The following SND1 variants were observed in gnomAD, a reference collection of about 807,000 sequenced individuals.
SND1 encodes staphylococcal nuclease domain-containing protein 1.
SND1 carries 38 observed loss-of-function variants against 121.7 expected under a neutral mutation model. The ratio of observed to expected loss-of-function variants is 0.31; its 90% CI spans 0.24 to 0.41. SND1 has a LOEUF of 0.41. Among genes scored for constraint, SND1 ranks in the 10% least tolerant of loss-of-function variants. The pLI is 1.00. For synonymous variants in SND1, 401 were observed against 447.4 expected (o/e 0.90, Z 1.31); for missense variants, 868 against 1,184.6 (o/e 0.73, Z 3.92).
chr7:127,757,451 T>G (rs1175920187), intron 10 of SND1, among the ~76,000 whole-genome samples: 1 of 152,220 alleles, frequency 6.6e-6, no homozygotes, highest in Admixed American at 6.5e-5. Flanking sequence ...ATTATATTGT[T>G]GGGTCATCCA....
At chr7:127,982,896 G>T (rs1469568012) in intron 15 of SND1, among the ~76,000 whole-genome samples, 1 of 152,144 alleles carries the variant, frequency 6.6e-6, no homozygotes, top group Non-Finnish European at 1.5e-5. Flanking sequence ...AACTGATTTG[G>T]CTTTGTATGT....
At chr7:128,062,528 G>A (rs977708061) in intron 16 of SND1, among the ~76,000 whole-genome samples, 3 of 152,148 alleles carry the variant, frequency 2.0e-5, no homozygotes, top group South Asian at 2.1e-4. Flanking sequence ...ATTGTTTGGC[G>A]TTTCTTATAT....
intron 10 of SND1, among the ~76,000 whole-genome samples, chr7:127,743,568 C>T (rs1796922954): frequency 6.6e-6 from 1 of 152,142 alleles, no homozygotes; most frequent in South Asian, 2.1e-4. Context: ...ATAACCTGTC[C>T]CTTCTGAAAG....
intron 17 of SND1, among the ~76,000 whole-genome samples, chr7:128,076,840 G>A (rs78066960): frequency 0.23 from 34,907 of 152,214 alleles, 4,568 homozygotes; most frequent in Middle Eastern, 0.31. Flanking sequence ...GGGGGAATCT[G>A]AGAATGCTGG....
rs563548702 is a variant in SND1, at chr7:127,994,549, C to CAAAAAAAA, written c.1779+3522_1779+3529dup. The stretch of plus-strand genomic sequence containing the variant: ...CTCTCAAATGACGATCACTTTTACT[C>CAAAAAAAA]AAAAAAAAAAAAAAAAAAAAAAAAA... On this transcript the variant is annotated intron_variant, in intron 16 of 23. Coordinates refer to ENST00000354725, the MANE Select transcript of SND1 (RefSeq NM_014390.4). Among the ~76,000 whole-genome samples the CAAAAAAAA allele has an allele frequency of 2.8e-4, 13 of 46,234 alleles. 1 individual carries two copies. The highest frequency in any genetic ancestry group is 4.5e-4 in the Non-Finnish European group (12 of 26,586). The allele number at this position is 46,234 out of a possible 152,430, so 30.3% of individuals were successfully genotyped here.
At chr7:128,079,645 C>T (rs970428438) in intron 17 of SND1, among the ~76,000 whole-genome samples, 11 of 152,254 alleles carry the variant, frequency 7.2e-5, no homozygotes, top group African/African-American at 2.2e-4. Flanking sequence ...GAAGAACACA[C>T]GCTCAGGCCG....
At chr7:127,942,384 G>A (rs1035486629) in intron 15 of SND1, among the ~76,000 whole-genome samples, 4 of 152,156 alleles carry the variant, frequency 2.6e-5, no homozygotes, top group East Asian at 1.9e-4. Context: ...TGGAGCAGCC[G>A]TTGCTCTTGC....
At chr7:127,884,407 CTG>C (rs1216087126) in intron 12 of SND1, among the ~76,000 whole-genome samples, 3 of 152,166 alleles carry the variant, frequency 2.0e-5, no homozygotes, top group African/African-American at 7.2e-5. Context: ...AGCCCAGCTG[CTG>C]TGCTTTGAAA....
At chr7:127,681,660 T>C (rs1179110496) in intron 1 of SND1, among the ~76,000 whole-genome samples, 2 of 152,214 alleles carry the variant, frequency 1.3e-5, no homozygotes, top group African/African-American at 2.4e-5. Context: ...ATCTTTTGTA[T>C]ATGGTATGAC....
rs188146430 is a variant in SND1 at position 127,684,786 on chromosome 7, G to A, written c.79-1827G>A. On this transcript the variant is annotated intron_variant, in intron 1 of 23. Coordinates refer to ENST00000354725, the MANE Select transcript of SND1 (RefSeq NM_014390.4). The stretch of plus-strand genomic sequence containing the variant: ...GAAGACAGTCTTTTTGTGTGTGTGT[G>A]CCATGGTATATAACCAGGGATTAAA... Among the ~76,000 whole-genome samples the A allele has an allele frequency of 1.3e-4, 20 of 152,262 alleles. No homozygotes were observed. In the East Asian group the frequency reaches 3.5e-3, roughly 26 times the overall value.
chr7:128,062,664 C>T (rs1031740258), intron 16 of SND1, among the ~76,000 whole-genome samples: 94 of 152,124 alleles, frequency 6.2e-4, no homozygotes, highest in African/African-American at 2.1e-3. Flanking sequence ...GAGGGATTGG[C>T]GTCTGTGTCC....
chr7:127,751,955 A>G (rs1450586331), intron 10 of SND1, among the ~76,000 whole-genome samples: 1 of 152,220 alleles, frequency 6.6e-6, no homozygotes, highest in Non-Finnish European at 1.5e-5. Context: ...CCTGAATCCC[A>G]AGTAGCATCC....
intron 15 of SND1, among the ~76,000 whole-genome samples, chr7:127,951,472 G>A (rs1047875615): frequency 1.1e-4 from 16 of 152,188 alleles, no homozygotes; most frequent in African/African-American, 3.9e-4. Context: ...TTTCAGTTAT[G>A]TGAGACAATT....
intron 10 of SND1, among the ~76,000 whole-genome samples, chr7:127,754,707 T>G (rs1201392924): frequency 6.6e-6 from 1 of 152,208 alleles, no homozygotes; most frequent in Non-Finnish European, 1.5e-5. Flanking sequence ...GTTGGGAGGT[T>G]GTTATTCTCT....
At chr7:127,852,582 G>A (rs1032535391) in intron 12 of SND1, among the ~76,000 whole-genome samples, 4 of 152,064 alleles carry the variant, frequency 2.6e-5, no homozygotes, top group African/African-American at 9.7e-5. Flanking sequence ...GGCTGAGGCG[G>A]GCATATCACC....
chr7:127,846,877 C>G (rs1799073961), intron 12 of SND1, among the ~76,000 whole-genome samples: 1 of 152,142 alleles, frequency 6.6e-6, no homozygotes, highest in African/African-American at 2.4e-5. Flanking sequence ...TAGCTGCACA[C>G]TTTCTGTGTT....
chr7:128,024,811 TG>T lies in SND1; in HGVS notation c.1779+33759del, dbSNP rs750456403. ...AGCATGGCACTTAAAGAGTTAGAGC[TG>T]GGGTAGATACAGTGGAGAAGAGGAG... On this transcript the variant is annotated intron_variant, in intron 16 of 23. Transcript: ENST00000354725. Among the ~76,000 whole-genome samples, 4 of 152,262 alleles carry T rather than the reference TG, an allele frequency of 2.6e-5. No individual in the cohort carries two copies. The South Asian group carries it at 8.3e-4, about 32-fold the overall frequency.
intron 11 of SND1, among the ~76,000 whole-genome samples, chr7:127,812,175 T>C (rs1719712238): frequency 6.6e-6 from 1 of 152,258 alleles, no homozygotes; most frequent in Non-Finnish European, 1.5e-5. Flanking sequence ...CTGTTGTGTA[T>C]ACTGAGTCAG....
At chr7:127,736,551 C>T (rs545549184) in intron 10 of SND1, among the ~76,000 whole-genome samples, 13 of 152,274 alleles carry the variant, frequency 8.5e-5, no homozygotes, top group East Asian at 1.9e-4. Flanking sequence ...AAGCATTAAA[C>T]GGTCTGTTCA....
Sources: gnomAD v4.1 joint callset for allele counts (sites outside exome capture counted in the v4.1 genomes callset) on GRCh38, gnomAD v4.1.1 for gene constraint, MANE v1.5 for transcripts, NCBI Gene and HGNC (gene_info 2026-07-23, HGNC 2026-07-21) for gene names.